Variants in LRRC9 observed in about 807,000 individuals in gnomAD.
LRRC9 encodes the protein leucine rich repeat containing 9.
Under a neutral mutation model 63.2 loss-of-function variants are expected in LRRC9, and 122 were observed. The ratio of observed to expected loss-of-function variants is 1.93; its 90% CI spans 1.67 to 2.24. The LOEUF is 2.24. Among genes scored for constraint, LRRC9 ranks in the 30% most tolerant of loss-of-function variants. The probability of loss-of-function intolerance (pLI) is 0.00; values close to 1 mark genes in which losing one functional copy is unlikely to be tolerated. For synonymous variants in LRRC9, 366 were observed against 213.1 expected, an observed-to-expected ratio of 1.72 and a Z score of -6.25; for missense variants, 1,071 against 627.7, an observed-to-expected ratio of 1.71 and a Z score of -7.55.
Position 60,053,272 on chromosome 14 carries a change from T to A in LRRC9, c.4131+67T>A. On this transcript the variant is annotated intron_variant, in intron 30 of 31. Transcript: ENST00000445360. The surrounding 1 kb of genome is among the most constrained non-coding windows in gnomAD (Gnocchi z 4.8). The stretch of plus-strand genomic sequence containing the variant: ...TAATGGTTAGTAAATGAACATTATA[T>A]CTTTTGATTTAAATGTTTAAACCTA... 1 of 647,376 alleles carries A rather than the reference T, an allele frequency of 1.5e-6. No individual in the cohort carries two copies. Among genetic ancestry groups the A allele is most frequent in the African/African-American group, 1.8e-5 (1 of 55,076 alleles). 40.1% of individuals were successfully genotyped at this position (647,376 alleles called of 1,614,324 possible).
chr14:60,034,250 C>T (rs989798057), intron 29 of LRRC9, among the ~76,000 whole-genome samples: 1 of 151,904 alleles, frequency 6.6e-6, no homozygotes, highest in African/African-American at 2.4e-5. Context: ...ATCTCCTGAC[C>T]TCATGATCCA....
At chr14:59,924,693 C>G (rs1460013066) in intron 1 of LRRC9, among the ~76,000 whole-genome samples, 1 of 152,176 alleles carries the variant, frequency 6.6e-6, no homozygotes, top group Non-Finnish European at 1.5e-5. Context: ...CTCTTCAACT[C>G]AAATCCTCAT....
chr14:59,988,318 G>T (rs1393638022), intron 17 of LRRC9, among the ~76,000 whole-genome samples: 1 of 152,136 alleles, frequency 6.6e-6, no homozygotes, highest in East Asian at 1.9e-4. Flanking sequence ...GACTGAACTT[G>T]TTGGAAGGGA....
In LRRC9 at chr14:59,981,840, T is replaced by A. The variant is rs756255757; in HGVS notation, c.1879-8T>A. On this transcript the variant is annotated splice_region_variant and splice_polypyrimidine_tract_variant and intron_variant, in intron 15 of 31. Coordinates refer to ENST00000445360, the Ensembl canonical transcript of LRRC9. Reference sequence around the variant, plus strand: ...CTGATTTTGCAATGTTTTTAATACATTTTTTAGGTCAAGGCACCCTCTTTA... The same window carrying A: ...CTGATTTTGCAATGTTTTTAATACAATTTTTAGGTCAAGGCACCCTCTTTA... 2 of 681,032 alleles carry A rather than the reference T, an allele frequency of 2.9e-6. No homozygotes were observed. Among genetic ancestry groups the A allele is most frequent in the Non-Finnish European group, 5.3e-6 (2 of 378,888 alleles). The allele number at this position is 681,032 out of a possible 1,614,324, so 42.2% of individuals were successfully genotyped here. A position where few individuals can be genotyped will look rare whatever the true frequency, so the allele number is the denominator to read the frequency against.
chr14:59,976,845 G>A (rs964272512), intron 13 of LRRC9, among the ~76,000 whole-genome samples: 4 of 152,256 alleles, frequency 2.6e-5, no homozygotes, highest in Non-Finnish European at 4.4e-5. Context: ...GACATATATT[G>A]AGTGCCTCCT....
At chr14:59,968,615 C>G (rs1885116829) in intron 12 of LRRC9, among the ~76,000 whole-genome samples, 1 of 152,146 alleles carries the variant, frequency 6.6e-6, no homozygotes, top group African/African-American at 2.4e-5. Flanking sequence ...AGAGTGCCCT[C>G]ATTGTACTTT....
exon 9 of LRRC9, chr14:59,959,850 G>C: frequency 1.5e-6 from 1 of 660,098 alleles, no homozygotes; most frequent in East Asian, 2.8e-5. Flanking sequence ...TCAAGGGCTC[G>C]GGCAAAGGGC....
intron 10 of LRRC9, among the ~76,000 whole-genome samples, chr14:59,965,636 A>G (rs1022511907): frequency 6.6e-6 from 1 of 151,740 alleles, no homozygotes; most frequent in Non-Finnish European, 1.5e-5. Flanking sequence ...CTGTAATCCC[A>G]GCACTGGGAG....
intron 26 of LRRC9, among the ~76,000 whole-genome samples, 198 bp from the exon 27 acceptor site, chr14:60,022,536 T>C (rs969711059): frequency 1.3e-5 from 2 of 151,826 alleles, no homozygotes; most frequent in Admixed American, 1.3e-4. Flanking sequence ...TGTACTTCTT[T>C]ATTCTAGACC....
At chr14:59,980,195 G>A (rs559185892) in intron 15 of LRRC9, among the ~76,000 whole-genome samples, 3 of 152,064 alleles carry the variant, frequency 2.0e-5, no homozygotes, top group Non-Finnish European at 4.4e-5. Context: ...TTTATGGTGT[G>A]TGAGGTAGAA....
At chr14:60,024,377 A>G (rs1330128421) in intron 27 of LRRC9, among the ~76,000 whole-genome samples, 2 of 137,262 alleles carry the variant, frequency 1.5e-5, no homozygotes, top group African/African-American at 2.5e-5. Flanking sequence ...GTAGTCAACA[A>G]TAGATAGGAG....
Position 60,050,784 on chromosome 14 carries a change from CTGTT to C in LRRC9, c.3991-2272_3991-2269del, listed in dbSNP as rs560707893. 5.9e-4 allele frequency among the ~76,000 whole-genome samples: 90 copies of C among 152,168 alleles called. 1 individual carries two copies. The highest frequency in any genetic ancestry group is 2.7e-3 in the Admixed American group (42 of 15,284). ...GGGTCATTTTTGTTGATGTTCTTGTCTGTTTGTTTGTTCTTAACAATCAGGCCAC... is the reference window on the plus strand; with the variant it reads ...GGGTCATTTTTGTTGATGTTCTTGTCTGTTTGTTCTTAACAATCAGGCCAC... On this transcript the variant is annotated intron_variant, in intron 29 of 31. Transcript: ENST00000445360.
intron 1 of LRRC9, among the ~76,000 whole-genome samples, chr14:59,924,952 G>C (rs1889085841): frequency 6.7e-6 from 1 of 148,358 alleles, no homozygotes; most frequent in African/African-American, 2.5e-5. Context: ...ATTTTCTCCA[G>C]ATTCCCGCAT....
exon 32 of LRRC9, chr14:60,063,517 AC>A (rs1894789993): frequency 1.9e-6 from 1 of 539,846 alleles, no homozygotes; most frequent in Non-Finnish European, 3.3e-6. Context: ...ATAATCTATT[AC>A]CCTTCATGAA....
intron 17 of LRRC9, 72 bp downstream of exon 17, chr14:59,985,296 C>G: frequency 1.9e-6 from 1 of 534,412 alleles, no homozygotes; most frequent in Non-Finnish European, 3.4e-6. Flanking sequence ...GTTATCAGGG[C>G]CTAAGGGCTA....
At chr14:60,057,924 A>T (rs962829059) in exon 31 of LRRC9, 1 of 691,294 alleles carries the variant, frequency 1.4e-6, no homozygotes. Context: ...TCATTTGGCC[A>T]AGTGAAAACT....
At chr14:60,015,207 T>C (rs865950274) in intron 23 of LRRC9, among the ~76,000 whole-genome samples, 3 of 152,274 alleles carry the variant, frequency 2.0e-5, no homozygotes, top group Middle Eastern at 3.4e-3. Flanking sequence ...GTTTCAAGTA[T>C]GTCCATAATT....
Position 59,978,653 on chromosome 14 carries a change from T to A in LRRC9, c.1878+521T>A, listed in dbSNP as rs554201057. On this transcript the variant is annotated intron_variant, in intron 15 of 31. Coordinates refer to ENST00000445360, the Ensembl canonical transcript of LRRC9. Reference sequence around the variant, plus strand: ...TTTCATTATTTTGGTGGCTGCATATTATTCAGTAATACTAATTTATTCAAC... The same window carrying A: ...TTTCATTATTTTGGTGGCTGCATATAATTCAGTAATACTAATTTATTCAAC... Among the ~76,000 whole-genome samples the A allele has an allele frequency of 5.3e-5, 8 of 152,340 alleles. No individual in the cohort carries two copies. In the East Asian group the frequency reaches 1.5e-3, roughly 29 times the overall value.
chr14:59,946,692 T>G, intron 8 of LRRC9, among the ~76,000 whole-genome samples: 1 of 141,008 alleles, frequency 7.1e-6, no homozygotes. Flanking sequence ...GAGTGTGATA[T>G]TCCCCTTCCT....
Sources: gnomAD v4.1 joint callset for allele counts (sites outside exome capture counted in the v4.1 genomes callset) on GRCh38, gnomAD v4.1.1 for gene constraint, Gnocchi (gnomAD v3.1) non-coding constraint, MANE v1.5 for transcripts, NCBI Gene and HGNC (gene_info 2026-07-23, HGNC 2026-07-21) for gene names.